IGFBP7: variants seen among roughly 807,000 people sequenced by gnomAD.
The protein encoded by IGFBP7 is insulin like growth factor binding protein 7.
In IGFBP7, 31 loss-of-function variants were observed where a neutral mutation model predicts 29.4. That is an observed-to-expected ratio of 1.05 (90% CI 0.79 to 1.42). The LOEUF (loss-of-function observed/expected upper bound fraction) is 1.42. Among genes scored for constraint, IGFBP7 ranks in the 40% most tolerant of loss-of-function variants. The probability of loss-of-function intolerance (pLI) is 0.00; values close to 1 mark genes in which losing one functional copy is unlikely to be tolerated. For synonymous variants in IGFBP7, 172 were observed against 174.9 expected, an observed-to-expected ratio of 0.98 and a Z score of 0.13; for missense variants, 393 against 395.5, an observed-to-expected ratio of 0.99 and a Z score of 0.05.
At position 57,030,951 on chromosome 4, in the gene IGFBP7, T is replaced by C. The variant is rs1723900161; in HGVS notation, c.*366A>G. 1.2e-6 allele frequency: 2 copies of C among 1,607,134 alleles called. No homozygotes were observed. The highest frequency in any genetic ancestry group is 1.7e-6 in the Non-Finnish European group (2 of 1,173,582). ...TGCAAACTATTGTTTCAGGAACTTA[T>C]GTCTATGAGTATTGCACCGCGAATG... On this transcript the variant is annotated 3_prime_UTR_variant, in exon 5 of 5. Coordinates refer to ENST00000295666, the MANE Select transcript of IGFBP7 (RefSeq NM_001553.3).
chr4:57,033,415 A>G lies in IGFBP7; in HGVS notation c.586-104T>C. 3.8e-6 allele frequency: 3 copies of G among 798,100 alleles called. No homozygotes were observed. In the South Asian group the frequency reaches 4.1e-5, roughly 11 times the overall value. The allele number at this position is 798,100 out of a possible 1,614,324, so 49.4% of individuals were successfully genotyped here. ...GCACATAGTGTATGTCAGACTTTCT[A>G]ACAGAGTAAACCCAGCATTTCACTG... is the stretch of plus-strand genomic sequence containing the variant. On this transcript the variant is annotated intron_variant, in intron 2 of 4. Coordinates refer to ENST00000295666, the MANE Select transcript of IGFBP7 (RefSeq NM_001553.3).
At chr4:57,073,349 C>G (rs929715224) in intron 1 of IGFBP7, among the ~76,000 whole-genome samples, 1 of 151,770 alleles carries the variant, frequency 6.6e-6, no homozygotes, top group South Asian at 2.1e-4. Context: ...GATCCCAGCA[C>G]TTTGGGAGGC....
chr4:57,089,901 A>G (rs574927859), intron 1 of IGFBP7, among the ~76,000 whole-genome samples: 25 of 152,306 alleles, frequency 1.6e-4, no homozygotes, highest in Admixed American at 1.6e-3. Context: ...CGATGATCTG[A>G]GGTGCAGAAG....
chr4:57,075,418 C>T (rs1313719803), intron 1 of IGFBP7, among the ~76,000 whole-genome samples: 1 of 129,520 alleles, frequency 7.7e-6, no homozygotes, highest in Non-Finnish European at 1.6e-5. Context: ...CTTCTCCTCC[C>T]CTAAAATGCA....
intron 1 of IGFBP7, among the ~76,000 whole-genome samples, chr4:57,088,137 C>CTTTTG (rs1725541207): frequency 2.4e-4 from 1 of 4,198 alleles, no homozygotes; most frequent in South Asian, 5.6e-3. Flanking sequence ...CCTGGCTAAT[C>CTTTTG]TTTTGTTTTG....
chr4:57,057,504 T>A (rs1001633643), intron 1 of IGFBP7, among the ~76,000 whole-genome samples: 1 of 152,228 alleles, frequency 6.6e-6, no homozygotes, highest in African/African-American at 2.4e-5. Context: ...AATTTCCTCA[T>A]AAAACAGGGG....
intron 1 of IGFBP7, among the ~76,000 whole-genome samples, chr4:57,048,156 A>G (rs530474892): frequency 6.7e-6 from 1 of 149,096 alleles, no homozygotes; most frequent in Admixed American, 6.8e-5. Flanking sequence ...GGCTCACGCC[A>G]TTCTCCTGCC....
intron 1 of IGFBP7, among the ~76,000 whole-genome samples, chr4:57,060,516 A>G (rs7698085): frequency 0.36 from 54,868 of 151,914 alleles, 10,313 homozygotes; most frequent in Non-Finnish European, 0.39. Context: ...AGGTTTTAAT[A>G]GGTTTGTTTT....
chr4:57,053,899 G>A (rs1327491489), intron 1 of IGFBP7, among the ~76,000 whole-genome samples: 2 of 152,184 alleles, frequency 1.3e-5, no homozygotes, highest in African/African-American at 2.4e-5. Flanking sequence ...TATTCTGCAA[G>A]CACTGAATTG....
chr4:57,070,548 GGAA>G, intron 1 of IGFBP7, among the ~76,000 whole-genome samples: 1 of 152,342 alleles, frequency 6.6e-6, no homozygotes, highest in East Asian at 1.9e-4. Flanking sequence ...GTTTGTGGGA[GGAA>G]GAAGTCAGTT....
At chr4:57,078,945 G>A (rs568857323) in intron 1 of IGFBP7, among the ~76,000 whole-genome samples, 3 of 152,288 alleles carry the variant, frequency 2.0e-5, no homozygotes, top group East Asian at 1.9e-4. Context: ...GCTGGCTCCC[G>A]TCCACAGGGC....
chr4:57,049,617 G>A (rs1724455185), intron 1 of IGFBP7, among the ~76,000 whole-genome samples: 1 of 152,100 alleles, frequency 6.6e-6, no homozygotes, highest in Non-Finnish European at 1.5e-5. Context: ...ACAGCTTCAG[G>A]CTCCCCCTTA....
intron 1 of IGFBP7, among the ~76,000 whole-genome samples, chr4:57,075,315 T>C (rs1725195318): frequency 2.0e-5 from 3 of 152,234 alleles, no homozygotes; most frequent in Admixed American, 6.5e-5. Flanking sequence ...GGAGATCCCA[T>C]AGAATAATAT....
chr4:57,058,184 T>C (rs1724717410), intron 1 of IGFBP7, among the ~76,000 whole-genome samples: 1 of 152,234 alleles, frequency 6.6e-6, no homozygotes, highest in African/African-American at 2.4e-5. Flanking sequence ...TAGCACTAGC[T>C]AGCTTTCCTC....
rs147972542 is a variant in IGFBP7, at chr4:57,035,618, G to A, written c.586-2307C>T. Among the ~76,000 whole-genome samples, 279 of 152,172 alleles carry A rather than the reference G, an allele frequency of 1.8e-3. 1 individual carries two copies. The highest frequency in any genetic ancestry group is 6.3e-3 in the African/African-American group (263 of 41,514). Reference sequence around the variant, plus strand: ...TGGGATTACAGGCATGTGCCACCACGCCTGGCTAATTTTTATAGTTTTAGT... The same window carrying A: ...TGGGATTACAGGCATGTGCCACCACACCTGGCTAATTTTTATAGTTTTAGT... On this transcript the variant is annotated intron_variant, in intron 2 of 4. Coordinates refer to ENST00000295666, the MANE Select transcript of IGFBP7 (RefSeq NM_001553.3).
At chr4:57,056,395 T>C (rs1169591296) in intron 1 of IGFBP7, among the ~76,000 whole-genome samples, 2 of 152,080 alleles carry the variant, frequency 1.3e-5, no homozygotes, top group African/African-American at 4.8e-5. Context: ...CTTGGGTACT[T>C]AGGATAAGTA....
chr4:57,057,832 G>A (rs1326706052), intron 1 of IGFBP7, among the ~76,000 whole-genome samples: 1 of 152,208 alleles, frequency 6.6e-6, no homozygotes, highest in African/African-American at 2.4e-5. Context: ...GAGGTAGAAA[G>A]TAATCCAGGT....
chr4:57,037,770 C>T (rs1050965850), intron 2 of IGFBP7, among the ~76,000 whole-genome samples: 6 of 152,176 alleles, frequency 3.9e-5, no homozygotes, highest in Non-Finnish European at 5.9e-5. Flanking sequence ...GGGTGACCCT[C>T]GCTTCTCATT....
At chr4:57,065,043 G>T (rs901008196) in intron 1 of IGFBP7, among the ~76,000 whole-genome samples, 1 of 152,208 alleles carries the variant, frequency 6.6e-6, no homozygotes, top group Non-Finnish European at 1.5e-5. Context: ...ATAAGATAAG[G>T]CTGGCTCCAG....
Sources: gnomAD v4.1 joint callset for allele counts (sites outside exome capture counted in the v4.1 genomes callset) on GRCh38, gnomAD v4.1.1 for gene constraint, MANE v1.5 for transcripts, NCBI Gene and HGNC (gene_info 2026-07-23, HGNC 2026-07-21) for gene names.